FOXK2: variants seen among roughly 807,000 people sequenced by gnomAD.
FOXK2 encodes forkhead box K2.
In FOXK2, 24 loss-of-function variants were observed where a neutral mutation model predicts 53.3. The ratio of observed to expected loss-of-function variants is 0.45; its 90% CI spans 0.33 to 0.63. The LOEUF (loss-of-function observed/expected upper bound fraction) is 0.63, where lower values mean the gene tolerates loss of function less well. FOXK2 is among the 30% of genes least tolerant of loss of function. The pLI is 0.03. For synonymous variants in FOXK2, 505 were observed against 407.1 expected (o/e 1.24, Z -2.89); for missense variants, 952 against 910.5 (o/e 1.05, Z -0.59).
intron 1 of FOXK2, among the ~76,000 whole-genome samples, chr17:82,554,267 T>G (rs2144098113): frequency 6.6e-6 from 1 of 152,302 alleles, no homozygotes. Flanking sequence ...CTGATTCATT[T>G]CTGTGGGGCT....
chr17:82,537,917 CAAAA>C (rs568515827), intron 1 of FOXK2, among the ~76,000 whole-genome samples: 1 of 67,518 alleles, frequency 1.5e-5, no homozygotes, highest in Non-Finnish European at 3.1e-5. Context: ...ACTCTGTCTC[CAAAA>C]AAAAAAAAAA....
intron 4 of FOXK2, among the ~76,000 whole-genome samples, chr17:82,577,760 C>G (rs1171041072): frequency 6.6e-6 from 1 of 152,106 alleles, no homozygotes; most frequent in African/African-American, 2.4e-5. Flanking sequence ...TTTTTGGGGA[C>G]AGAGTCTTAC....
chr17:82,594,819 GC>G (rs1247900115), intron 8 of FOXK2, among the ~76,000 whole-genome samples: 2 of 152,220 alleles, frequency 1.3e-5, no homozygotes, highest in Non-Finnish European at 2.9e-5. Flanking sequence ...ACCAGGGTGG[GC>G]AGACTGCTTG....
At chr17:82,520,713 C>T (rs2044352865) in intron 1 of FOXK2, among the ~76,000 whole-genome samples, 1 of 152,232 alleles carries the variant, frequency 6.6e-6, no homozygotes, top group Admixed American at 6.5e-5. Context: ...ATCTATGTCT[C>T]TTAACCGATG....
At position 82,582,837 on chromosome 17, in the gene FOXK2, C is replaced by G; in HGVS notation, c.1006C>G (p.Pro336Ala). The change falls in exon 5 of 9, where the codon CCA (proline) becomes GCA (alanine). Residue 336 changes from proline (P) to alanine (A), a missense_variant. Pro to Ala is a conservative substitution (Grantham distance 27). Transcript: ENST00000335255. ...PGKGSFWRIDPASESKLIEQA... is the reference protein window; with the variant it reads ...PGKGSFWRIDAASESKLIEQA... ...CAAAGGCTCGTTCTGGAGGATAGAC[C>G]CAGCCTCTGAAAGCAAATTAATAGA... 1 of 1,613,492 alleles carries G rather than the reference C, an allele frequency of 6.2e-7. No homozygotes were observed. Among genetic ancestry groups the G allele is most frequent in the African/African-American group, 1.3e-5 (1 of 75,000 alleles).
intron 4 of FOXK2, chr17:82,577,454 G>T (rs748872013): frequency 2.8e-6 from 1 of 359,890 alleles, no homozygotes. Context: ...AGGGCGTGGC[G>T]GGCGGCCGGG....
intron 4 of FOXK2, among the ~76,000 whole-genome samples, chr17:82,575,628 AC>A (rs2044973317): frequency 6.6e-6 from 1 of 152,322 alleles, no homozygotes; most frequent in East Asian, 1.9e-4. Context: ...CGACACAAGG[AC>A]TGCAAATGTT....
intron 1 of FOXK2, among the ~76,000 whole-genome samples, chr17:82,529,491 G>C (rs1213050837): frequency 2.0e-5 from 3 of 151,618 alleles, no homozygotes; most frequent in African/African-American, 7.3e-5. Flanking sequence ...CCAGGTTCAA[G>C]TGATTCTCCT....
intron 1 of FOXK2, among the ~76,000 whole-genome samples, chr17:82,524,266 G>T (rs1448113529): frequency 6.6e-6 from 1 of 152,200 alleles, no homozygotes; most frequent in Non-Finnish European, 1.5e-5. Context: ...AGAAAATAAT[G>T]TAACAACCCG....
chr17:82,531,809 G>A (rs1487194479), intron 1 of FOXK2, among the ~76,000 whole-genome samples: 1 of 152,124 alleles, frequency 6.6e-6, no homozygotes. Context: ...ACTGTACACC[G>A]CTGTCAACTT....
At chr17:82,559,675 C>CA (rs2044772432) in intron 1 of FOXK2, among the ~76,000 whole-genome samples, 1 of 132,558 alleles carries the variant, frequency 7.5e-6, no homozygotes, top group Non-Finnish European at 1.6e-5. Context: ...ACCCCCCACC[C>CA]ACCCCCCTTG....
chr17:82,560,148 C>G (rs562760567), intron 1 of FOXK2, among the ~76,000 whole-genome samples: 1 of 151,508 alleles, frequency 6.6e-6, no homozygotes, highest in Admixed American at 6.6e-5. Context: ...TGGGATTACA[C>G]GTGTGTGCCA....
chr17:82,559,698 A>G (rs925771995), intron 1 of FOXK2, among the ~76,000 whole-genome samples: 8 of 117,924 alleles, frequency 6.8e-5, no homozygotes, highest in African/African-American at 9.7e-5. Flanking sequence ...TGCAGACTCT[A>G]GAAGTAATGT....
intron 4 of FOXK2, chr17:82,578,698 T>C (rs1055812204): frequency 4.6e-5 from 7 of 152,200 alleles, no homozygotes; most frequent in Non-Finnish European, 8.8e-5. Flanking sequence ...GGGAGATGGA[T>C]TGGAGAATAA....
chr17:82,532,134 C>T (rs1167477039), intron 1 of FOXK2, among the ~76,000 whole-genome samples: 1 of 150,580 alleles, frequency 6.6e-6, no homozygotes, highest in Non-Finnish European at 1.5e-5. Context: ...TAGGCGTGAG[C>T]CACTGTGCCC....
Position 82,547,218 on chromosome 17 carries a change from T to C in FOXK2, c.420-16136T>C, listed in dbSNP as rs937228606. On this transcript the variant is annotated intron_variant, in intron 1 of 8. Transcript: ENST00000335255. ...GTTTAGAATATTCAGGGTGTAGTAT[T>C]GTGGTTCACATTGTAGTATTGTGGT... is the stretch of plus-strand genomic sequence containing the variant. Among the ~76,000 whole-genome samples, 13 of 152,296 alleles carry C rather than the reference T, an allele frequency of 8.5e-5. No individual in the cohort carries two copies. In the South Asian group the frequency reaches 2.5e-3, roughly 29 times the overall value.
chr17:82,571,952 C>T (rs2044923086), intron 4 of FOXK2, 82 bp downstream of exon 4: 2 of 1,379,528 alleles, frequency 1.4e-6, no homozygotes, highest in South Asian at 1.5e-5. Flanking sequence ...GGAACACAGG[C>T]ACAGGATAGG....
intron 1 of FOXK2, among the ~76,000 whole-genome samples, chr17:82,556,566 C>A (rs1240813819): frequency 1.4e-5 from 2 of 143,202 alleles, no homozygotes; most frequent in Non-Finnish European, 3.0e-5. Flanking sequence ...CTTGCTGGGG[C>A]TGGGGCTGGG....
intron 2 of FOXK2, among the ~76,000 whole-genome samples, chr17:82,564,623 G>A (rs566180877): frequency 6.6e-6 from 1 of 151,660 alleles, no homozygotes; most frequent in African/African-American, 2.4e-5. Flanking sequence ...ATTTTTTTTA[G>A]AGAGCCCACA....
Sources: allele counts gnomAD v4.1 joint callset (sites outside exome capture counted in the v4.1 genomes callset), GRCh38; gene constraint gnomAD v4.1.1; transcripts MANE v1.5; gene names NCBI Gene and HGNC (gene_info 2026-07-23, HGNC 2026-07-21).